The following TMEM51 variants were observed in gnomAD, a reference collection of about 807,000 sequenced individuals.
TMEM51 encodes the protein chromosome 1 open reading frame 72.
A neutral mutation model predicts 13.6 loss-of-function variants in TMEM51; 8 were observed. The ratio of observed to expected loss-of-function variants is 0.59; its 90% CI spans 0.35 to 1.07. TMEM51 has a LOEUF of 1.07. Among genes scored for constraint, TMEM51 ranks in the 50% least tolerant of loss-of-function variants. The pLI is 0.02. For missense variants in TMEM51, 279 were observed against 330.7 expected, an observed-to-expected ratio of 0.84 and a Z score of 1.21; for synonymous variants, 147 against 144.4, an observed-to-expected ratio of 1.02 and a Z score of -0.13.
chr1:15,173,671 C>A (rs1643368061), intron 1 of TMEM51, among the ~76,000 whole-genome samples: 1 of 131,502 alleles, frequency 7.6e-6, no homozygotes, highest in Non-Finnish European at 1.8e-5. Context: ...TTCACAAACT[C>A]CATCTAAAAA....
chr1:15,180,267 G>C (rs564074114), intron 1 of TMEM51, among the ~76,000 whole-genome samples: 1 of 152,230 alleles, frequency 6.6e-6, no homozygotes, highest in Non-Finnish European at 1.5e-5. Flanking sequence ...TCAAAGTCTG[G>C]TCCCAGGGCT....
chr1:15,197,063 C>G (rs1287818257), intron 1 of TMEM51, among the ~76,000 whole-genome samples: 2 of 152,234 alleles, frequency 1.3e-5, no homozygotes, highest in Non-Finnish European at 2.9e-5. Flanking sequence ...TGTGTTCATT[C>G]ATTCCCAGGC....
chr1:15,177,464 T>C (rs1573398212), intron 1 of TMEM51, among the ~76,000 whole-genome samples: 1 of 150,614 alleles, frequency 6.6e-6, no homozygotes, highest in African/African-American at 2.4e-5. Context: ...GGGCAGGGAG[T>C]GGAAGATGCT....
intron 3 of TMEM51, among the ~76,000 whole-genome samples, chr1:15,218,526 C>T (rs1232168051): frequency 6.6e-6 from 1 of 152,138 alleles, no homozygotes; most frequent in East Asian, 1.9e-4. Flanking sequence ...GTATCTCAGT[C>T]CATCTATAAA....
intron 1 of TMEM51, among the ~76,000 whole-genome samples, chr1:15,155,096 T>C (rs1642543971): frequency 6.6e-6 from 1 of 152,170 alleles, no homozygotes; most frequent in Non-Finnish European, 1.5e-5. Context: ...TCCTGACCTA[T>C]TGGGACAGAG....
In TMEM51 at chr1:15,215,429, C is replaced by T; in HGVS notation, c.342C>T (p.Asp114=). ...TGAGPHAQEE[D]SQEEEEEDEE... Reference sequence around the variant, plus strand: ...CTGGGCCTCACGCCCAGGAGGAAGACAGGTGAGGCCTGACTGTCCCCTTCC... The same window carrying T: ...CTGGGCCTCACGCCCAGGAGGAAGATAGGTGAGGCCTGACTGTCCCCTTCC... The change falls in exon 3 of 4, where the codon GAC becomes GAT. Residue 114 remains aspartate, a splice_region_variant and synonymous_variant. Transcript: ENST00000376008. 6.3e-7 allele frequency: 1 copy of T among 1,595,162 alleles called. No individual in the cohort carries two copies. Among genetic ancestry groups the T allele is most frequent in the Non-Finnish European group, 8.5e-7 (1 of 1,172,734 alleles).
At chr1:15,208,963 T>C (rs185350859) in intron 1 of TMEM51, among the ~76,000 whole-genome samples, 2 of 152,286 alleles carry the variant, frequency 1.3e-5, no homozygotes, top group Admixed American at 6.5e-5. Flanking sequence ...TATATGTGAA[T>C]TGTAATGAAT....
chr1:15,167,334 A>C (rs1272498850), intron 1 of TMEM51, among the ~76,000 whole-genome samples: 1 of 129,458 alleles, frequency 7.7e-6, no homozygotes, highest in Non-Finnish European at 1.5e-5. Context: ...CTCAAAAAAA[A>C]AAAAAAAAAA....
chr1:15,154,823 G>A (rs1642531577), intron 1 of TMEM51, among the ~76,000 whole-genome samples: 1 of 151,696 alleles, frequency 6.6e-6, no homozygotes, highest in African/African-American at 2.4e-5. Flanking sequence ...CGGTGCATGG[G>A]ACTGCGGGTC....
chr1:15,172,945 GCTGT>G (rs2100840762), intron 1 of TMEM51, among the ~76,000 whole-genome samples: 1 of 152,282 alleles, frequency 6.6e-6, no homozygotes, highest in South Asian at 2.1e-4. Context: ...AAGGTCGGGT[GCTGT>G]CTGTTGTTTC....
Position 15,180,438 on chromosome 1 carries a change from G to A in TMEM51, c.-267+26484G>A, listed in dbSNP as rs79161415. ...TGCAGACACACATCAGGTATTGGGC[G>A]TCGGGCAGAACCAGACAGGCACTCT... On this transcript the variant is annotated intron_variant, in intron 1 of 3. Coordinates refer to ENST00000376008, the MANE Select transcript of TMEM51 (RefSeq NM_001136218.2). 9.8e-3 allele frequency among the ~76,000 whole-genome samples: 1,486 copies of A among 152,314 alleles called. 18 individuals carry two copies. Among genetic ancestry groups the A allele is most frequent in the African/African-American group, 0.029 (1,223 of 41,558 alleles).
intron 1 of TMEM51, chr1:15,192,909 G>T: frequency 6.4e-6 from 1 of 156,334 alleles, no homozygotes. Context: ...TATTTGGCAC[G>T]GTTTGCTTCT....
chr1:15,219,643 C>G lies in TMEM51; in HGVS notation c.662C>G (p.Pro221Arg). The change falls in exon 4 of 4, where the codon CCA becomes CGA. Residue 221 changes from proline to arginine, a missense_variant. By Grantham distance (103) the Pro-to-Arg change is moderately radical. Transcript: ENST00000376008. Reference sequence around the variant, plus strand: ...CTCAAAGACTTTAGGATCAACCTCCCAGACAAAAACGTCCCTCCTCCCTCG... The same window carrying G: ...CTCAAAGACTTTAGGATCAACCTCCGAGACAAAAACGTCCCTCCTCCCTCG... ...LHLKDFRINL[P>R]DKNVPPPSIE... 1 of 1,614,076 alleles carries G rather than the reference C, an allele frequency of 6.2e-7. No individual in the cohort carries two copies. The highest frequency in any genetic ancestry group is 1.3e-5 in the African/African-American group (1 of 75,060).
intron 1 of TMEM51, among the ~76,000 whole-genome samples, chr1:15,186,385 A>G (rs74684148): frequency 0.014 from 2,163 of 152,334 alleles, 31 homozygotes; most frequent in Middle Eastern, 0.034. Context: ...CTACCCCAGA[A>G]TGGCAGCAGT....
intron 1 of TMEM51, chr1:15,192,848 C>A: frequency 5.8e-6 from 1 of 172,756 alleles, no homozygotes. Context: ...TCTGCCATCT[C>A]TGCAGCAGTG....
rs1287441606 is a variant in TMEM51 at position 15,163,831 on chromosome 1, G to C, written c.-267+9877G>C. Among the ~76,000 whole-genome samples, 6 of 145,146 alleles carry C rather than the reference G, an allele frequency of 4.1e-5. No homozygotes were observed. The East Asian group carries it at 8.8e-4, about 21-fold the overall frequency. ...TCCCCTAATGTTGGCTTTTTTTGGGGGGGGGGAGGGGGGAGGGGACAAAGT... is the reference window on the plus strand; with the variant it reads ...TCCCCTAATGTTGGCTTTTTTTGGGCGGGGGGAGGGGGGAGGGGACAAAGT... On this transcript the variant is annotated intron_variant, in intron 1 of 3. Coordinates refer to ENST00000376008, the MANE Select transcript of TMEM51 (RefSeq NM_001136218.2).
intron 1 of TMEM51, among the ~76,000 whole-genome samples, chr1:15,178,259 G>A (rs933995696): frequency 3.3e-5 from 5 of 152,056 alleles, no homozygotes; most frequent in Non-Finnish European, 5.9e-5. Flanking sequence ...CGGTCCCTTC[G>A]GTTGCCCATG....
At chr1:15,171,877 C>T (rs994176203) in intron 1 of TMEM51, among the ~76,000 whole-genome samples, 2 of 152,128 alleles carry the variant, frequency 1.3e-5, no homozygotes, top group Non-Finnish European at 2.9e-5. Context: ...TTGACAGGAC[C>T]TTCTAGCAGA....
chr1:15,194,264 G>A (rs545406261), intron 1 of TMEM51, among the ~76,000 whole-genome samples: 21 of 152,196 alleles, frequency 1.4e-4, no homozygotes, highest in African/African-American at 3.1e-4. Flanking sequence ...TATTTAGCTC[G>A]ACATGTTCAA....
Sources: allele counts gnomAD v4.1 joint callset (sites outside exome capture counted in the v4.1 genomes callset), GRCh38; gene constraint gnomAD v4.1.1; transcripts MANE v1.5; gene names NCBI Gene and HGNC (gene_info 2026-07-23, HGNC 2026-07-21).